Variants in SORCS1 observed in about 807,000 individuals in gnomAD.
SORCS1 encodes the protein sortilin related VPS10 domain containing receptor 1, also known as VPS10 domain-containing receptor SorCS1.
A neutral mutation model predicts 146.1 loss-of-function variants in SORCS1; 60 were observed. That is an observed-to-expected ratio of 0.41 (90% CI 0.33 to 0.51). The LOEUF is 0.51. Among genes scored for constraint, SORCS1 ranks in the 20% least tolerant of loss-of-function variants. The pLI is 0.21. For synonymous variants in SORCS1, 637 were observed against 584.0 expected, an observed-to-expected ratio of 1.09 and a Z score of -1.31; for missense variants, 1,352 against 1,487.6, an observed-to-expected ratio of 0.91 and a Z score of 1.50.
intron 1 of SORCS1, among the ~76,000 whole-genome samples, chr10:107,089,314 G>A (rs576902608): frequency 1.6e-3 from 244 of 152,042 alleles, no homozygotes; most frequent in African/African-American, 5.7e-3. Flanking sequence ...CTGTTTATGG[G>A]GTAAACAAAA....
intron 2 of SORCS1, among the ~76,000 whole-genome samples, chr10:106,840,598 G>A (rs190096746): frequency 2.6e-4 from 39 of 152,148 alleles, no homozygotes; most frequent in African/African-American, 8.9e-4. Flanking sequence ...GTGAGAGAAT[G>A]AACTCCAATT....
At chr10:106,711,596 T>TA (rs1378100441) in intron 6 of SORCS1, among the ~76,000 whole-genome samples, 1 of 152,170 alleles carries the variant, frequency 6.6e-6, no homozygotes, top group African/African-American at 2.4e-5. Context: ...TGGAGAGCCT[T>TA]ACACACCATC....
intron 1 of SORCS1, among the ~76,000 whole-genome samples, chr10:107,026,101 G>A (rs1958389438): frequency 6.6e-6 from 1 of 152,168 alleles, no homozygotes; most frequent in Non-Finnish European, 1.5e-5. Context: ...CAGGCATGGA[G>A]GTAAGGAATA....
chr10:107,160,342 C>T (rs1010034785), intron 1 of SORCS1, among the ~76,000 whole-genome samples: 1 of 152,144 alleles, frequency 6.6e-6, no homozygotes, highest in Non-Finnish European at 1.5e-5. Flanking sequence ...GTCTATTTGG[C>T]AATTCATTTA....
At chr10:106,744,524 T>G (rs1296292796) in intron 5 of SORCS1, among the ~76,000 whole-genome samples, 1 of 152,236 alleles carries the variant, frequency 6.6e-6, no homozygotes, top group Non-Finnish European at 1.5e-5. Flanking sequence ...GATATTGTAG[T>G]CTTCCCTTAC....
At chr10:106,732,744 A>G (rs1264227354) in intron 5 of SORCS1, among the ~76,000 whole-genome samples, 3 of 152,190 alleles carry the variant, frequency 2.0e-5, no homozygotes, top group African/African-American at 4.8e-5. Context: ...AAATAATAGC[A>G]GTAGTTTTTA....
intron 2 of SORCS1, among the ~76,000 whole-genome samples, chr10:106,912,019 AG>A (rs1425758754): frequency 1.3e-5 from 2 of 151,652 alleles, no homozygotes; most frequent in East Asian, 3.9e-4. Flanking sequence ...AGGCTGAGAC[AG>A]GAGAATAGCG....
In SORCS1 at chr10:106,677,419, C is replaced by A; in HGVS notation, c.1741-15G>T. The A allele has an allele frequency of 6.2e-7, 1 of 1,609,856 alleles. No individual in the cohort carries two copies. The highest frequency in any genetic ancestry group is 8.5e-7 in the Non-Finnish European group (1 of 1,176,248). Reference sequence around the variant, plus strand: ...TCTTCAAAGATCTGGATGAGGAAAACACATACATGGACACACATCCACATC... The same window carrying A: ...TCTTCAAAGATCTGGATGAGGAAAAAACATACATGGACACACATCCACATC... On this transcript the variant is annotated splice_polypyrimidine_tract_variant and intron_variant, in intron 12 of 25. Coordinates refer to ENST00000263054, the MANE Select transcript of SORCS1 (RefSeq NM_052918.5).
chr10:107,119,501 A>G (rs1466137655), intron 1 of SORCS1, among the ~76,000 whole-genome samples: 1 of 152,234 alleles, frequency 6.6e-6, no homozygotes, highest in East Asian at 1.9e-4. Context: ...TGAGGCTTTG[A>G]AAATGTTACT....
intron 17 of SORCS1, among the ~76,000 whole-genome samples, chr10:106,663,105 T>C (rs1424455595): frequency 1.3e-5 from 2 of 152,170 alleles, no homozygotes; most frequent in Non-Finnish European, 2.9e-5. Flanking sequence ...CAGCATTATT[T>C]ATAGTGGCAG....
intron 18 of SORCS1, among the ~76,000 whole-genome samples, chr10:106,630,906 T>G (rs887335001): frequency 5.9e-5 from 9 of 151,768 alleles, no homozygotes; most frequent in African/African-American, 2.2e-4. Flanking sequence ...GGAAAAAAAG[T>G]TGCTCAGACC....
intron 1 of SORCS1, among the ~76,000 whole-genome samples, chr10:107,088,461 A>G (rs1384846535): frequency 6.6e-6 from 1 of 151,860 alleles, no homozygotes; most frequent in African/African-American, 2.4e-5. Flanking sequence ...CATGGCAGGC[A>G]CTCTCTGTCT....
At chr10:106,945,507 GGT>G (rs1374582982) in intron 2 of SORCS1, among the ~76,000 whole-genome samples, 2 of 152,214 alleles carry the variant, frequency 1.3e-5, no homozygotes, top group African/African-American at 4.8e-5. Flanking sequence ...GTAACTGGAT[GGT>G]GGTGATCTGT....
chr10:106,928,539 C>T (rs1389426539), intron 2 of SORCS1, among the ~76,000 whole-genome samples: 1 of 152,202 alleles, frequency 6.6e-6, no homozygotes, highest in Admixed American at 6.5e-5. Context: ...GAAAGGGGCT[C>T]CCACAGTGCA....
intron 24 of SORCS1, among the ~76,000 whole-genome samples, chr10:106,595,522 T>C (rs1845854415): frequency 6.6e-6 from 1 of 152,110 alleles, no homozygotes; most frequent in African/African-American, 2.4e-5. Flanking sequence ...CACACCTCCA[T>C]ACTCCATGCT....
chr10:106,747,009 T>A (rs1170975047), intron 5 of SORCS1, among the ~76,000 whole-genome samples: 3 of 152,236 alleles, frequency 2.0e-5, no homozygotes, highest in African/African-American at 7.2e-5. Context: ...AATAGAGTCA[T>A]AAAATTGCTC....
At chr10:106,708,340 C>T (rs1432682788) in intron 7 of SORCS1, among the ~76,000 whole-genome samples, 1 of 151,932 alleles carries the variant, frequency 6.6e-6, no homozygotes, top group Non-Finnish European at 1.5e-5. Flanking sequence ...ATTGCATCCT[C>T]AAAGCATGTA....
intron 1 of SORCS1, among the ~76,000 whole-genome samples, chr10:106,999,307 C>T (rs1313954568): frequency 6.6e-6 from 1 of 151,544 alleles, no homozygotes; most frequent in Non-Finnish European, 1.5e-5. Flanking sequence ...CATTTGTCTT[C>T]TCTAAGATCA....
At chr10:106,926,826 TATACACAC>T (rs1341664049) in intron 2 of SORCS1, among the ~76,000 whole-genome samples, 1,435 of 140,152 alleles carry the variant, frequency 0.01, 20 homozygotes, top group African/African-American at 0.028. Context: ...AAGGAATATA[TATACACAC>T]ACACACACAC....
Sources: allele counts gnomAD v4.1 joint callset (sites outside exome capture counted in the v4.1 genomes callset), GRCh38; gene constraint gnomAD v4.1.1; transcripts MANE v1.5; gene names NCBI Gene and HGNC (gene_info 2026-07-23, HGNC 2026-07-21).